The following LY9 variants were observed in gnomAD, a reference collection of about 807,000 sequenced individuals.
LY9 encodes the protein lymphocyte antigen 9, also known as T-lymphocyte surface antigen Ly-9.
In LY9, 59 loss-of-function variants were observed where a neutral mutation model predicts 64.6. The ratio of observed to expected loss-of-function variants is 0.91; its 90% CI spans 0.74 to 1.13. The LOEUF (loss-of-function observed/expected upper bound fraction) is 1.13. Among genes scored for constraint, LY9 ranks in the 50% most tolerant of loss-of-function variants. LY9 has a pLI of 0.00. For synonymous variants in LY9, 281 were observed against 308.5 expected (o/e 0.91, Z 0.93); for missense variants, 789 against 797.2 (o/e 0.99, Z 0.12).
chr1:160,799,744 T>C lies in LY9; in HGVS notation c.125-9T>C, dbSNP rs1666261860. The C allele has an allele frequency of 6.3e-7, 1 of 1,592,740 alleles. No homozygotes were observed. The highest frequency in any genetic ancestry group is 8.6e-7 in the Non-Finnish European group (1 of 1,165,838). The stretch of plus-strand genomic sequence containing the variant: ...GCTGCTCCTCCAAGTCCCTCTTCTA[T>C]CTCTGCAGGACTAAGAGCCTCTGGA... On this transcript the variant is annotated splice_polypyrimidine_tract_variant and intron_variant, in intron 1 of 9. Transcript: ENST00000263285.
chr1:160,800,192 T>C (rs927870793), intron 2 of LY9, 110 bp downstream of exon 2: 6 of 739,816 alleles, frequency 8.1e-6, no homozygotes, highest in Middle Eastern at 2.8e-4. Flanking sequence ...ACTGATCAAG[T>C]CAGAGTTTTC....
At chr1:160,800,257 C>A (rs950274280) in intron 2 of LY9, 175 bp downstream of exon 2, 3 of 586,410 alleles carry the variant, frequency 5.1e-6, no homozygotes, top group Non-Finnish European at 9.0e-6. Context: ...TCACCCTACT[C>A]TGCTATCAAA....
intron 8 of LY9, 89 bp from the exon 9 acceptor site, chr1:160,824,092 G>A: frequency 6.5e-7 from 1 of 1,533,366 alleles, no homozygotes; most frequent in South Asian, 1.2e-5. Context: ...TGGGAAGCCA[G>A]GGGGTATCCC....
intron 7 of LY9, among the ~76,000 whole-genome samples, chr1:160,819,663 C>T (rs887570931): frequency 3.3e-5 from 5 of 151,594 alleles, no homozygotes; most frequent in African/African-American, 4.9e-5. Flanking sequence ...TGGTGGTGCA[C>T]GCCTGTAATC....
intron 5 of LY9, 47 bp downstream of exon 5, chr1:160,816,910 C>G: frequency 1.9e-6 from 3 of 1,597,054 alleles, no homozygotes; most frequent in Non-Finnish European, 2.6e-6. Context: ...CTTGGGGCCT[C>G]CAAGAGTTTG....
At chr1:160,810,475 T>A (rs1373991218) in intron 2 of LY9, 1 of 152,226 alleles carries the variant, frequency 6.6e-6, no homozygotes, top group Non-Finnish European at 1.5e-5. Context: ...TCTCTTCTTA[T>A]AAGCACATCG....
intron 4 of LY9, 105 bp from the exon 5 acceptor site, chr1:160,816,489 C>A: frequency 1.5e-6 from 2 of 1,313,344 alleles, no homozygotes; most frequent in East Asian, 2.5e-5. Context: ...ACTTTGCCGG[C>A]AGTATCAACA....
intron 2 of LY9, among the ~76,000 whole-genome samples, chr1:160,808,747 A>G (rs1667209447): frequency 6.6e-6 from 1 of 152,216 alleles, no homozygotes; most frequent in South Asian, 2.1e-4. Flanking sequence ...GACTGTTTGT[A>G]TACTACTTTT....
At chr1:160,806,588 A>C (rs1205439709) in intron 2 of LY9, among the ~76,000 whole-genome samples, 1 of 152,218 alleles carries the variant, frequency 6.6e-6, no homozygotes, top group Non-Finnish European at 1.5e-5. Context: ...GTTTCTGCTG[A>C]GGAATCCACC....
chr1:160,827,978 C>G lies in LY9; in HGVS notation c.*162C>G, dbSNP rs1668950574. ...TCCCCCTCCTTCTCACCCTTAAGGA[C>G]TCCCAAACCCATTAATAGTTCAGAC... is the stretch of plus-strand genomic sequence containing the variant. On this transcript the variant is annotated 3_prime_UTR_variant, in exon 10 of 10. Coordinates refer to ENST00000263285, the MANE Select transcript of LY9 (RefSeq NM_002348.4). 4 of 548,568 alleles carry G rather than the reference C, an allele frequency of 7.3e-6. No individual in the cohort carries two copies. Among genetic ancestry groups the G allele is most frequent in the South Asian group, 4.6e-5 (2 of 43,036 alleles). 34.0% of individuals were successfully genotyped at this position (548,568 alleles called of 1,614,324 possible).
At chr1:160,815,432 G>C (rs555741844) in intron 4 of LY9, 1 of 152,446 alleles carries the variant, frequency 6.6e-6, no homozygotes, top group African/African-American at 2.4e-5. Flanking sequence ...TGTCACCCAG[G>C]CTGGAGTACA....
At chr1:160,816,896 G>A in intron 5 of LY9, 33 bp downstream of exon 5, 1 of 1,609,552 alleles carries the variant, frequency 6.2e-7, no homozygotes, top group Non-Finnish European at 8.5e-7. Context: ...TCAGGTCACA[G>A]GACCTTGGGG....
rs1417484715 is a variant in LY9, at chr1:160,818,203, A to G, written c.1343-15A>G. 2 of 1,571,472 alleles carry G rather than the reference A, an allele frequency of 1.3e-6. No individual in the cohort carries two copies. The highest frequency in any genetic ancestry group is 1.8e-6 in the Non-Finnish European group (2 of 1,142,242). ...GTCATTATTTGAATTAACATCACTC[A>G]TTTCCTCCTCAAAGGACCTGAGAGA... is the stretch of plus-strand genomic sequence containing the variant. On this transcript the variant is annotated splice_polypyrimidine_tract_variant and intron_variant, in intron 5 of 9. Transcript: ENST00000263285.
chr1:160,818,294 G>A lies in LY9; in HGVS notation c.1419G>A (p.Trp473Ter), dbSNP rs116260229. Residue 473 changes from tryptophan to a stop codon, truncating the protein, a stop_gained, in exon 6 of 10, where the codon TGG (tryptophan) becomes TGA (stop). Transcript: ENST00000263285. LOFTEE classifies it high-confidence loss of function. The part of the protein sequence containing the change: ...VCLLCVGIFS[W>*]CIWKRKGRCS... ...TTCTGTGCGTTGGGATCTTCAGCTGGTGCATTTGGAAGCGAAAAGGACGGT... is the reference window on the plus strand; with the variant it reads ...TTCTGTGCGTTGGGATCTTCAGCTGATGCATTTGGAAGCGAAAAGGACGGT... The A allele has an allele frequency of 1.2e-6, 2 of 1,614,040 alleles. No individual in the cohort carries two copies. The highest frequency in any genetic ancestry group is 2.7e-5 in the African/African-American group (2 of 75,008).
chr1:160,814,190 G>A (rs1667750550), intron 3 of LY9, among the ~76,000 whole-genome samples: 1 of 152,156 alleles, frequency 6.6e-6, no homozygotes, highest in Non-Finnish European at 1.5e-5. Context: ...GTGTTTCCGG[G>A]TACCCTCAGA....
At chr1:160,797,197 T>A in intron 1 of LY9, 1 of 985,478 alleles carries the variant, frequency 1.0e-6, no homozygotes, top group Non-Finnish European at 1.2e-6. Context: ...CCAGAGAGGA[T>A]CTCAGCCACC....
chr1:160,827,938 C>T lies in LY9; in HGVS notation c.*122C>T. ...AATTTCCTTCAGTGCCTCAGAGATG[C>T]CTGGATGTGGCCCCTCCCCCTCCTT... On this transcript the variant is annotated 3_prime_UTR_variant, in exon 10 of 10. Coordinates refer to ENST00000263285, the MANE Select transcript of LY9 (RefSeq NM_002348.4). The T allele has an allele frequency of 1.4e-6, 1 of 714,450 alleles. No homozygotes were observed. The highest frequency in any genetic ancestry group is 2.4e-5 in the Admixed American group (1 of 42,358). The allele number at this position is 714,450 out of a possible 1,614,324, so 44.3% of individuals were successfully genotyped here. A position where few individuals can be genotyped will look rare whatever the true frequency, so the allele number is the denominator to read the frequency against.
At chr1:160,824,932 T>A (rs790625) in intron 9 of LY9, among the ~76,000 whole-genome samples, 81,261 of 148,660 alleles carry the variant, frequency 0.55, 23,603 homozygotes, top group African/African-American at 0.73. Context: ...GTGAGCCAAG[T>A]TCGTGCCACT....
intron 1 of LY9, chr1:160,799,332 A>T (rs1219528714): frequency 1.2e-5 from 2 of 162,548 alleles, no homozygotes; most frequent in South Asian, 1.8e-4. Context: ...CCATATTTTT[A>T]AAAATATGCT....
Sources: gnomAD v4.1 joint callset for allele counts (sites outside exome capture counted in the v4.1 genomes callset) on GRCh38, gnomAD v4.1.1 for gene constraint, MANE v1.5 for transcripts, NCBI Gene and HGNC (gene_info 2026-07-23, HGNC 2026-07-21) for gene names.